RASSF5: variants seen among roughly 807,000 people sequenced by gnomAD.
RASSF5 encodes Ras association domain family member 5, also known as ras association domain-containing protein 5.
In RASSF5, 25 loss-of-function variants were observed where a neutral mutation model predicts 40.5. The ratio of observed to expected loss-of-function variants is 0.62; its 90% CI spans 0.45 to 0.86. The LOEUF is 0.86. Among genes scored for constraint, RASSF5 ranks in the 40% least tolerant of loss-of-function variants. The pLI is 0.00. For missense variants in RASSF5, 521 were observed against 572.8 expected, an observed-to-expected ratio of 0.91 and a Z score of 0.92; for synonymous variants, 246 against 252.4, an observed-to-expected ratio of 0.97 and a Z score of 0.24.
intron 1 of RASSF5, among the ~76,000 whole-genome samples, chr1:206,519,129 A>G (rs1461743605): frequency 6.6e-6 from 1 of 152,172 alleles, no homozygotes; most frequent in African/African-American, 2.4e-5. Flanking sequence ...GGGCAAGAAC[A>G]GTCCTCGCCT....
intron 1 of RASSF5, among the ~76,000 whole-genome samples, chr1:206,512,309 C>A (rs6682303): frequency 0.016 from 2,385 of 152,018 alleles, 34 homozygotes; most frequent in African/African-American, 0.045. Flanking sequence ...CGCTGCAGCC[C>A]GTTTTTCCTC....
chr1:206,566,287 CT>C (rs1668287262), intron 2 of RASSF5, among the ~76,000 whole-genome samples: 1 of 152,134 alleles, frequency 6.6e-6, no homozygotes, highest in Non-Finnish European at 1.5e-5. Flanking sequence ...CCAGTCACCC[CT>C]CTCAAGCTCT....
chr1:206,560,153 GT>G lies in RASSF5; in HGVS notation c.579+21861del, dbSNP rs1182156159. On this transcript the variant is annotated intron_variant, in intron 2 of 5. Transcript: ENST00000579436. The surrounding 1 kb of genome is among the most constrained non-coding windows in gnomAD (Gnocchi z 5.1). Reference sequence around the variant, plus strand: ...AGGAAAGGAGTTGATGTGTTTCCCGGTCGTCGAGAGATTGAGGCCCTCATCT... The same window carrying G: ...AGGAAAGGAGTTGATGTGTTTCCCGGCGTCGAGAGATTGAGGCCCTCATCT... Among the ~76,000 whole-genome samples the G allele has an allele frequency of 3.9e-5, 6 of 152,220 alleles. No individual in the cohort carries two copies. Among genetic ancestry groups the G allele is most frequent in the Non-Finnish European group, 7.3e-5 (5 of 68,056 alleles).
chr1:206,583,337 C>T lies in RASSF5; in HGVS notation c.648C>T (p.Asp216=), dbSNP rs782168360. 1.2e-6 allele frequency: 2 copies of T among 1,613,870 alleles called. No homozygotes were observed. The highest frequency in any genetic ancestry group is 2.7e-5 in the African/African-American group (2 of 74,902). ...PTLQEIKQKI[D]SYNTREKNCL... ...TGCAGGAGATCAAGCAGAAGATCGA[C>T]AGCTACAACACGCGAGAGAAGAACT... The change falls in exon 3 of 6, where the codon GAC becomes GAT. Residue 216 remains aspartate (D), a synonymous_variant. Transcript: ENST00000579436.
chr1:206,509,245 TC>T (rs1449123386), intron 1 of RASSF5, among the ~76,000 whole-genome samples: 3 of 152,210 alleles, frequency 2.0e-5, no homozygotes, highest in African/African-American at 7.2e-5. Flanking sequence ...CTACCCTTTT[TC>T]TGCCTGCAGT....
chr1:206,562,176 T>G (rs1331921080), intron 2 of RASSF5, among the ~76,000 whole-genome samples: 5 of 152,096 alleles, frequency 3.3e-5, no homozygotes, highest in Non-Finnish European at 7.4e-5. Context: ...AGTCAGCTCC[T>G]CCCTGGACAG....
In RASSF5 at chr1:206,573,290, T is replaced by A. The variant is rs143676989; in HGVS notation, c.580-9979T>A. 2.0e-5 allele frequency among the ~76,000 whole-genome samples: 3 copies of A among 152,302 alleles called. No individual in the cohort carries two copies. The East Asian group carries it at 5.8e-4, about 29-fold the overall frequency. On this transcript the variant is annotated intron_variant, in intron 2 of 5. Transcript: ENST00000579436. ...ATCCCGTGAGGCAATAAAGGATTTTTATCCCAAATTTATAGATGAAGAAAC... is the reference window on the plus strand; with the variant it reads ...ATCCCGTGAGGCAATAAAGGATTTTAATCCCAAATTTATAGATGAAGAAAC...
rs908971499 is a variant in RASSF5, at chr1:206,538,815, G to A, written c.579+522G>A. On this transcript the variant is annotated intron_variant, in intron 2 of 5. Coordinates refer to ENST00000579436, the MANE Select transcript of RASSF5 (RefSeq NM_182663.4). ...GATGTATCTGAACTTTTATTTCTAG[G>A]ATTTAGAATGGAGACAGAGGAGTGT... 1.4e-4 allele frequency among the ~76,000 whole-genome samples: 21 copies of A among 152,194 alleles called. 1 individual carries two copies. The highest frequency in any genetic ancestry group is 7.3e-5 in the Non-Finnish European group (5 of 68,030).
intron 1 of RASSF5, among the ~76,000 whole-genome samples, chr1:206,521,136 G>T (rs1053350011): frequency 6.6e-6 from 1 of 152,136 alleles, no homozygotes; most frequent in Non-Finnish European, 1.5e-5. Context: ...CAAGCATGTC[G>T]CCAAGGAGCA....
intron 2 of RASSF5, among the ~76,000 whole-genome samples, chr1:206,577,852 T>C (rs1668712171): frequency 2.0e-5 from 3 of 152,132 alleles, no homozygotes; most frequent in South Asian, 2.1e-4. Context: ...AGAGAACAAA[T>C]TGAAGTATGA....
intron 2 of RASSF5, among the ~76,000 whole-genome samples, chr1:206,556,857 G>A (rs1022777664): frequency 6.6e-6 from 1 of 152,100 alleles, no homozygotes; most frequent in Admixed American, 6.5e-5. Flanking sequence ...GAAGTGGATG[G>A]GGGAGAAGGG....
intron 2 of RASSF5, chr1:206,580,776 G>C (rs1359801434): frequency 6.6e-6 from 1 of 152,276 alleles, no homozygotes; most frequent in Non-Finnish European, 1.5e-5. Flanking sequence ...GACCTGGGAA[G>C]GCACACAGGA....
intron 2 of RASSF5, chr1:206,544,485 T>TG (rs546315348): frequency 2.3e-4 from 35 of 152,344 alleles, no homozygotes; most frequent in African/African-American, 8.4e-4. Context: ...GTAGGGTTGT[T>TG]GTCCTGGATA....
chr1:206,561,628 G>C (rs1169045401), intron 2 of RASSF5, among the ~76,000 whole-genome samples: 1 of 149,710 alleles, frequency 6.7e-6, no homozygotes. Flanking sequence ...AGAACAGAAG[G>C]TTGACTATAT....
In RASSF5 at chr1:206,556,344, A is replaced by G. The variant is rs140288996; in HGVS notation, c.579+18051A>G. Among the ~76,000 whole-genome samples, 149 of 152,344 alleles carry G rather than the reference A, an allele frequency of 9.8e-4. 1 individual carries two copies. Among genetic ancestry groups the G allele is most frequent in the Middle Eastern group, 3.4e-3 (1 of 294 alleles). On this transcript the variant is annotated intron_variant, in intron 2 of 5. Coordinates refer to ENST00000579436, the MANE Select transcript of RASSF5 (RefSeq NM_182663.4). ...GTCTCAAGGCTATTGGAATGAGTCA[A>G]TGATAGAGTGCACGTAAATCACTTG...
rs190552088 is a variant in RASSF5, at chr1:206,533,476, C to A, written c.458-4696C>A. On this transcript the variant is annotated intron_variant, in intron 1 of 5. Transcript: ENST00000579436. ...ATATACTTAAGTCCTAACGCCCAGG[C>A]TGAGCATGGTGAATCATGCCTGTAA... Among the ~76,000 whole-genome samples, 4 of 152,302 alleles carry A rather than the reference C, an allele frequency of 2.6e-5. No individual in the cohort carries two copies. In the East Asian group the frequency reaches 7.7e-4, roughly 29 times the overall value.
chr1:206,547,358 T>A (rs1384314661), intron 2 of RASSF5, among the ~76,000 whole-genome samples: 1 of 151,820 alleles, frequency 6.6e-6, no homozygotes, highest in Non-Finnish European at 1.5e-5. Context: ...TGGCTTGCTT[T>A]ACAGCCTGAG....
intron 5 of RASSF5, chr1:206,586,533 G>A (rs952950968): frequency 8.0e-5 from 23 of 285,968 alleles, no homozygotes; most frequent in African/African-American, 3.4e-4. Flanking sequence ...CAGCATCACT[G>A]TCAAGATCTC....
chr1:206,526,996 T>G (rs1667114300), intron 1 of RASSF5, among the ~76,000 whole-genome samples: 1 of 152,210 alleles, frequency 6.6e-6, no homozygotes, highest in Admixed American at 6.5e-5. Context: ...CACCGCCATT[T>G]GCAGTTGAGG....
Sources: allele counts gnomAD v4.1 joint callset (sites outside exome capture counted in the v4.1 genomes callset), GRCh38; gene constraint gnomAD v4.1.1; non-coding constraint Gnocchi (gnomAD v3.1); transcripts MANE v1.5; gene names NCBI Gene and HGNC (gene_info 2026-07-23, HGNC 2026-07-21).